RB1: variants seen among roughly 807,000 people sequenced by gnomAD.
The protein encoded by RB1 is retinoblastoma-associated protein.
RB1 carries 18 observed loss-of-function variants against 135.4 expected under a neutral mutation model. The ratio of observed to expected loss-of-function variants is 0.13; its 90% CI spans 0.09 to 0.20. The LOEUF (loss-of-function observed/expected upper bound fraction) is 0.20, where lower values mean the gene tolerates loss of function less well. RB1 is among the 10% of genes least tolerant of loss of function. RB1 has a pLI of 1.00. For missense variants in RB1, 868 were observed against 1,110.0 expected (o/e 0.78, Z 3.10); for synonymous variants, 365 against 373.2 (o/e 0.98, Z 0.25).
chr13:48,412,190 T>C (rs1244325527), intron 17 of RB1: 3 of 1,614,018 alleles, frequency 1.9e-6, no homozygotes, highest in Non-Finnish European at 1.7e-6. Context: ...AATTCCGTGT[T>C]GTGAAGTAAA....
At chr13:48,320,109 AATC>A in intron 2 of RB1, 2 of 689,804 alleles carry the variant, frequency 2.9e-6, no homozygotes, top group Non-Finnish European at 4.9e-6. Flanking sequence ...CGGTCCACGG[AATC>A]ATCATTGAAT....
In RB1 at chr13:48,316,943, GC is replaced by G. The variant is rs1952189529; in HGVS notation, c.264+9540del. 1.4e-5 allele frequency: 5 copies of G among 361,984 alleles called. No homozygotes were observed. In the South Asian group the frequency reaches 1.5e-4, roughly 11 times the overall value. The allele number at this position is 361,984 out of a possible 1,614,324, so 22.4% of individuals were successfully genotyped here. ...TGGCGTCACTAACCAAGGCGTGCCC[GC>G]CCAAGGTGCCCTGGTCCTGGTCGTC... is the stretch of plus-strand genomic sequence containing the variant. On this transcript the variant is annotated intron_variant, in intron 2 of 26. Coordinates refer to ENST00000267163, the MANE Select transcript of RB1 (RefSeq NM_000321.3).
At chr13:48,461,069 T>C (rs1383801176) in intron 20 of RB1, among the ~76,000 whole-genome samples, 1 of 152,084 alleles carries the variant, frequency 6.6e-6, no homozygotes, top group East Asian at 1.9e-4. Flanking sequence ...AATTCAGTGG[T>C]TTTTAGTATA....
chr13:48,412,726 C>A (rs1593485262), intron 17 of RB1: 1 of 431,858 alleles, frequency 2.3e-6, no homozygotes, highest in Non-Finnish European at 4.4e-6. Flanking sequence ...TCAACGAGTC[C>A]AACCCATAGG....
chr13:48,308,129 A>G (rs1333484885), intron 2 of RB1, among the ~76,000 whole-genome samples: 1 of 151,698 alleles, frequency 6.6e-6, no homozygotes, highest in Non-Finnish European at 1.5e-5. Context: ...GTATAGATGT[A>G]TATGTTTAAT....
chr13:48,443,739 C>T (rs1949260588), intron 17 of RB1, among the ~76,000 whole-genome samples: 1 of 152,118 alleles, frequency 6.6e-6, no homozygotes, highest in Non-Finnish European at 1.5e-5. Context: ...TAAATGCCTC[C>T]TTAAATTTTC....
chr13:48,427,094 G>A (rs1949090248), intron 17 of RB1, among the ~76,000 whole-genome samples: 1 of 152,216 alleles, frequency 6.6e-6, no homozygotes, highest in South Asian at 2.1e-4. Context: ...CCATTCATGA[G>A]GGATCCACCC....
At chr13:48,422,071 T>C (rs1949014180) in intron 17 of RB1, among the ~76,000 whole-genome samples, 3 of 152,346 alleles carry the variant, frequency 2.0e-5, no homozygotes, top group African/African-American at 4.8e-5. Flanking sequence ...TGCACACATA[T>C]GCTTATTGCA....
chr13:48,448,017 C>T (rs942013362), intron 17 of RB1, among the ~76,000 whole-genome samples: 1 of 152,098 alleles, frequency 6.6e-6, no homozygotes, highest in Non-Finnish European at 1.5e-5. Context: ...CACATCTTTG[C>T]AAGGTCTCAA....
intron 2 of RB1, among the ~76,000 whole-genome samples, chr13:48,320,858 C>G (rs1285213489): frequency 2.0e-5 from 3 of 151,518 alleles, no homozygotes; most frequent in African/African-American, 4.9e-5. Context: ...AAAAGAGTGG[C>G]AAGTGGTGCC....
intron 6 of RB1, among the ~76,000 whole-genome samples, chr13:48,355,761 A>G (rs1952584355): frequency 6.6e-6 from 1 of 152,082 alleles, no homozygotes; most frequent in African/African-American, 2.4e-5. Flanking sequence ...AGGTCTAGTC[A>G]TTTGCGACAA....
At chr13:48,400,178 C>T (rs1948679591) in intron 17 of RB1, among the ~76,000 whole-genome samples, 1 of 152,072 alleles carries the variant, frequency 6.6e-6, no homozygotes. Flanking sequence ...AAATAACTCT[C>T]ATTTATGTGT....
At chr13:48,413,429 G>A (rs1243958031) in intron 17 of RB1, among the ~76,000 whole-genome samples, 1 of 152,118 alleles carries the variant, frequency 6.6e-6, no homozygotes, top group Non-Finnish European at 1.5e-5. Context: ...GATTGTTTTC[G>A]TGTTTGGGAT....
rs1949536629 is a variant in RB1, at chr13:48,481,199, T to G, written c.*1128T>G. On this transcript the variant is annotated 3_prime_UTR_variant, in exon 27 of 27. Coordinates refer to ENST00000267163, the MANE Select transcript of RB1 (RefSeq NM_000321.3). The stretch of plus-strand genomic sequence containing the variant: ...CTTTTATTTTTTTAAGTCAGTATGG[T>G]CTAACACTGGCATGTTCAAAGCCAC... 4.3e-6 allele frequency: 1 copy of G among 231,750 alleles called. No individual in the cohort carries two copies. The highest frequency in any genetic ancestry group is 2.2e-5 in the African/African-American group (1 of 45,364). 14.4% of individuals were successfully genotyped at this position (231,750 alleles called of 1,614,324 possible).
intron 24 of RB1, 42 bp from the exon 25 acceptor site, chr13:48,476,659 T>C (rs1192284064): frequency 6.3e-7 from 1 of 1,593,324 alleles, no homozygotes; most frequent in Admixed American, 1.7e-5. Context: ...TATGAAACAC[T>C]GGCATTTAAT....
chr13:48,470,678 A>G (rs1259217918), intron 23 of RB1, among the ~76,000 whole-genome samples: 29 of 19,560 alleles, frequency 1.5e-3, no homozygotes, highest in African/African-American at 1.9e-3. Context: ...ACAAAGGGCT[A>G]ATATCCAGAA....
At chr13:48,450,367 C>G (rs187591344) in intron 17 of RB1, among the ~76,000 whole-genome samples, 91 of 152,152 alleles carry the variant, frequency 6.0e-4, no homozygotes, top group Middle Eastern at 6.8e-3. Context: ...TCTCCGAGGA[C>G]CATTTATTTA....
chr13:48,430,951 A>G (rs181390975), intron 17 of RB1, among the ~76,000 whole-genome samples: 1 of 152,162 alleles, frequency 6.6e-6, no homozygotes, highest in Non-Finnish European at 1.5e-5. Context: ...TAAAAATAGC[A>G]GTAGAGGCTT....
intron 4 of RB1, among the ~76,000 whole-genome samples, chr13:48,346,668 A>G (rs1952501691): frequency 6.6e-6 from 1 of 152,060 alleles, no homozygotes; most frequent in Admixed American, 6.6e-5. Context: ...ATAAAATGTG[A>G]TAAAGAATAA....
Sources: gnomAD v4.1 joint callset for allele counts (sites outside exome capture counted in the v4.1 genomes callset) on GRCh38, gnomAD v4.1.1 for gene constraint, MANE v1.5 for transcripts, NCBI Gene and HGNC (gene_info 2026-07-23, HGNC 2026-07-21) for gene names.